The following DMD variants were observed in gnomAD, a reference collection of about 807,000 sequenced individuals.
DMD encodes mutant dystrophin.
In DMD, 63 loss-of-function variants were observed where a neutral mutation model predicts 330.1. That is an observed-to-expected ratio of 0.19 (90% CI 0.16 to 0.24). The LOEUF (loss-of-function observed/expected upper bound fraction) is 0.24, where lower values mean the gene tolerates loss of function less well. DMD is among the 10% of genes least tolerant of loss of function. The probability of loss-of-function intolerance (pLI) is 1.00; values close to 1 mark genes in which losing one functional copy is unlikely to be tolerated. For synonymous variants in DMD, 1,223 were observed against 959.8 expected, an observed-to-expected ratio of 1.27 and a Z score of -5.07; for missense variants, 3,344 against 2,684.1, an observed-to-expected ratio of 1.25 and a Z score of -5.43.
intron 76 of DMD, among the ~76,000 whole-genome samples, chrX:31,135,996 C>A (rs1263921537): frequency 1.8e-4 from 5 of 27,425 alleles, no homozygotes; most frequent in Admixed American, 1.4e-3. Flanking sequence ...TGCATTTATT[C>A]CTTTTTTTTT....
intron 7 of DMD, among the ~76,000 whole-genome samples, chrX:32,739,323 T>C (rs182797179): frequency 1.8e-5 from 2 of 111,913 alleles, no homozygotes; most frequent in Admixed American, 1.9e-4. Context: ...GCCAAGTCTT[T>C]TACCCTAATG....
intron 60 of DMD, among the ~76,000 whole-genome samples, chrX:31,414,573 C>G (rs116612100): frequency 5.4e-4 from 61 of 112,176 alleles, no homozygotes; most frequent in African/African-American, 1.8e-3. Context: ...TAAAGTTCCA[C>G]TAGTTTTTCC....
intron 57 of DMD, among the ~76,000 whole-genome samples, chrX:31,495,236 A>G (rs1325988849): frequency 1.8e-5 from 2 of 108,364 alleles, no homozygotes; most frequent in Admixed American, 1.0e-4. Context: ...CCAGAATAAT[A>G]TAAACCCTTG....
At chrX:31,999,106 A>G (rs2150351630) in intron 44 of DMD, among the ~76,000 whole-genome samples, 1 of 112,306 alleles carries the variant, frequency 8.9e-6, no homozygotes, top group South Asian at 3.7e-4. Flanking sequence ...AAAGGCACCA[A>G]CAAATCAATA....
intron 11 of DMD, among the ~76,000 whole-genome samples, chrX:32,631,482 T>G (rs2058725429): frequency 8.9e-6 from 1 of 111,872 alleles, no homozygotes; most frequent in Non-Finnish European, 1.9e-5. Context: ...GGGTCATGTA[T>G]TAGGCCATTC....
chrX:32,191,646 C>T (rs1603627983), intron 44 of DMD, among the ~76,000 whole-genome samples: 1 of 111,350 alleles, frequency 9.0e-6, no homozygotes, highest in Non-Finnish European at 1.9e-5. Context: ...AGGATCCCCA[C>T]GGATAGCAAA....
intron 44 of DMD, among the ~76,000 whole-genome samples, chrX:32,011,717 T>C (rs1209033688): frequency 9.0e-6 from 1 of 110,936 alleles, no homozygotes; most frequent in East Asian, 2.9e-4. Context: ...AAATCTCATG[T>C]CACCTTGTGC....
At chrX:31,781,900 G>T (rs1423046630) in intron 50 of DMD, among the ~76,000 whole-genome samples, 1 of 111,413 alleles carries the variant, frequency 9.0e-6, no homozygotes, top group Non-Finnish European at 1.9e-5. Flanking sequence ...CAATTAAAAG[G>T]ATTTTCCATC....
At chrX:32,390,246 C>T (rs896738983) in intron 30 of DMD, 65 bp from the exon 31 acceptor site, 17 of 857,323 alleles carry the variant, frequency 2.0e-5, no homozygotes, top group East Asian at 3.2e-5. Flanking sequence ...TCCAAGAAGA[C>T]GAAATTCAGA....
At chrX:32,626,330 G>T (rs1346751788) in intron 11 of DMD, among the ~76,000 whole-genome samples, 1 of 95,416 alleles carries the variant, frequency 1.0e-5, no homozygotes, top group African/African-American at 6.1e-5. Flanking sequence ...AGCTGGGCGT[G>T]GTGGCAAGCA....
chrX:32,096,347 A>T (rs1016613743), intron 44 of DMD, among the ~76,000 whole-genome samples: 6 of 111,440 alleles, frequency 5.4e-5, no homozygotes, highest in Admixed American at 1.9e-4. Context: ...CTGCCTTGAC[A>T]TAGCTCTTCA....
At chrX:32,419,672 G>T (rs1361728074) in intron 29 of DMD, among the ~76,000 whole-genome samples, 2 of 112,233 alleles carry the variant, frequency 1.8e-5, no homozygotes, top group Non-Finnish European at 3.8e-5. Context: ...TGAGCATGGA[G>T]CTCCTATAAT....
At chrX:31,566,511 C>T (rs1232094360) in intron 55 of DMD, among the ~76,000 whole-genome samples, 2 of 111,756 alleles carry the variant, frequency 1.8e-5, no homozygotes, top group East Asian at 5.6e-4. Flanking sequence ...ATATTGTTAG[C>T]CATAATATTG....
chrX:31,621,106 C>A (rs2148374489), intron 55 of DMD, among the ~76,000 whole-genome samples: 1 of 111,699 alleles, frequency 9.0e-6, no homozygotes, highest in East Asian at 2.8e-4. Flanking sequence ...GACTTTGCTC[C>A]TCACAACTGT....
intron 1 of DMD, among the ~76,000 whole-genome samples, chrX:33,240,569 G>A (rs187390774): frequency 3.6e-5 from 4 of 111,670 alleles, no homozygotes; most frequent in African/African-American, 1.3e-4. Flanking sequence ...ATTTCCTTTC[G>A]GTATATAGCC....
At position 31,208,662 on chromosome X, in the gene DMD, C is replaced by T. The variant is rs970379561; in HGVS notation, c.9563+836G>A. 7.2e-5 allele frequency among the ~76,000 whole-genome samples: 8 copies of T among 111,665 alleles called. No homozygotes were observed. The Admixed American group carries it at 7.6e-4, about 11-fold the overall frequency. On this transcript the variant is annotated intron_variant, in intron 65 of 78. Transcript: ENST00000357033. ...TAGTTCAAAAGGTAGTAGAAGTCTA[C>T]AACAAAGGTAAAAGGCAAAACAGTT... is the stretch of plus-strand genomic sequence containing the variant.
chrX:32,040,850 C>T (rs1484369127), intron 44 of DMD, among the ~76,000 whole-genome samples: 1 of 110,871 alleles, frequency 9.0e-6, no homozygotes, highest in East Asian at 2.9e-4. Context: ...GAAATTGAGG[C>T]CTTGAGAAGG....
At chrX:31,750,985 G>C (rs1188786798) in intron 51 of DMD, among the ~76,000 whole-genome samples, 1 of 108,264 alleles carries the variant, frequency 9.2e-6, no homozygotes, top group African/African-American at 3.4e-5. Flanking sequence ...CACTGCTCAA[G>C]GAAATAAAAG....
At chrX:32,346,407 A>C (rs1244163504) in intron 38 of DMD, among the ~76,000 whole-genome samples, 1 of 111,375 alleles carries the variant, frequency 9.0e-6, no homozygotes, top group African/African-American at 3.3e-5. Flanking sequence ...TAGTTCTAGA[A>C]ATTAAAACAT....
Sources: gnomAD v4.1 joint callset for allele counts (sites outside exome capture counted in the v4.1 genomes callset) on GRCh38, gnomAD v4.1.1 for gene constraint, MANE v1.5 for transcripts, NCBI Gene and HGNC (gene_info 2026-07-23, HGNC 2026-07-21) for gene names.